The following GGPS1 variants were observed in gnomAD, a reference collection of about 807,000 sequenced individuals.
GGPS1 encodes geranylgeranyl diphosphate synthase 1.
Under a neutral mutation model 28.1 loss-of-function variants are expected in GGPS1, and 15 were observed. That is an observed-to-expected ratio of 0.53 (90% CI 0.36 to 0.82). GGPS1 has a LOEUF of 0.82. Among genes scored for constraint, GGPS1 ranks in the 40% least tolerant of loss-of-function variants. GGPS1 has a pLI of 0.01. For missense variants in GGPS1, 284 were observed against 348.3 expected (o/e 0.82, Z 1.47); for synonymous variants, 138 against 122.4 (o/e 1.13, Z -0.84).
At chr1:235,339,167 C>T (rs536234100) in intron 2 of GGPS1, among the ~76,000 whole-genome samples, 5 of 152,000 alleles carry the variant, frequency 3.3e-5, no homozygotes, top group Non-Finnish European at 4.4e-5. Flanking sequence ...GATTTAGTGG[C>T]GCACGACTGT....
Position 235,344,168 on chromosome 1 carries a change from AAAG to A in GGPS1, c.*1397_*1399del. The A allele has an allele frequency of 6.0e-6, 1 of 166,794 alleles. No individual in the cohort carries two copies. The highest frequency in any genetic ancestry group is 1.5e-5 in the Non-Finnish European group (1 of 68,080). The allele number at this position is 166,794 out of a possible 1,614,324, so 10.3% of individuals were successfully genotyped here. A position where few individuals can be genotyped will look rare whatever the true frequency, so the allele number is the denominator to read the frequency against. On this transcript the variant is annotated 3_prime_UTR_variant, in exon 4 of 4. Coordinates refer to ENST00000282841, the MANE Select transcript of GGPS1 (RefSeq NM_004837.4). ...AGGTAGGACAAAAAAAAAAAAAAAA[AAAG>A]CTGATTTCAATATTTGATTTGTTGA...
At chr1:235,337,742 A>T (rs563428831) in intron 2 of GGPS1, among the ~76,000 whole-genome samples, 30 of 152,052 alleles carry the variant, frequency 2.0e-4, no homozygotes, top group Non-Finnish European at 3.7e-4. Flanking sequence ...ACAGGAGCCT[A>T]GGAGGCAGAG....
chr1:235,335,087 T>A (rs1311340975), intron 1 of GGPS1, among the ~76,000 whole-genome samples, 155 bp from the exon 2 acceptor site: 1 of 152,220 alleles, frequency 6.6e-6, no homozygotes, highest in Non-Finnish European at 1.5e-5. Flanking sequence ...AGTGCTGGGA[T>A]TACAGGCGTG....
chr1:235,328,624 G>T lies in GGPS1; in HGVS notation c.-178G>T. 6.5e-6 allele frequency: 1 copy of T among 153,216 alleles called. No homozygotes were observed. The highest frequency in any genetic ancestry group is 1.5e-5 in the Non-Finnish European group (1 of 68,354). The allele number at this position is 153,216 out of a possible 1,614,324, so 9.5% of individuals were successfully genotyped here. On this transcript the variant is annotated 5_prime_UTR_variant, in exon 1 of 4. Coordinates refer to ENST00000282841, the MANE Select transcript of GGPS1 (RefSeq NM_004837.4). ...ACCAACTAATGCGGTGTCGCTGGCGGCTGAGGAGGGCGGAGAGTTCTGTGG... is the reference window on the plus strand; with the variant it reads ...ACCAACTAATGCGGTGTCGCTGGCGTCTGAGGAGGGCGGAGAGTTCTGTGG...
chr1:235,333,142 G>T (rs1675769139), intron 1 of GGPS1, among the ~76,000 whole-genome samples: 1 of 149,660 alleles, frequency 6.7e-6, no homozygotes, highest in Admixed American at 6.7e-5. Flanking sequence ...CACCCCCTTA[G>T]TTGTGATGTG....
upstream of GGPS1, chr1:235,327,805 G>A (rs1558320543): frequency 6.5e-6 from 1 of 152,738 alleles, no homozygotes; most frequent in Admixed American, 6.5e-5. Flanking sequence ...GGCACGTCCA[G>A]AGTCCCCTCT....
chr1:235,339,960 T>C (rs1268257802), intron 2 of GGPS1, among the ~76,000 whole-genome samples: 2 of 151,838 alleles, frequency 1.3e-5, no homozygotes, highest in Non-Finnish European at 2.9e-5. Context: ...AGTGGTAACT[T>C]CTATCCAAAG....
intron 1 of GGPS1, chr1:235,330,022 T>G (rs1262111030): frequency 6.6e-6 from 1 of 152,210 alleles, no homozygotes; most frequent in Non-Finnish European, 1.5e-5. Flanking sequence ...AGGAAACTAG[T>G]AGAGTTCATG....
At chr1:235,337,283 T>TA (rs779029219) in intron 2 of GGPS1, among the ~76,000 whole-genome samples, 2 of 152,236 alleles carry the variant, frequency 1.3e-5, no homozygotes, top group African/African-American at 2.4e-5. Flanking sequence ...TGCCTACAGT[T>TA]ACATTTTAAC....
At chr1:235,336,404 A>G (rs1284264060) in intron 2 of GGPS1, among the ~76,000 whole-genome samples, 1 of 152,146 alleles carries the variant, frequency 6.6e-6, no homozygotes, top group Non-Finnish European at 1.5e-5. Context: ...AAAAAGAAGA[A>G]CTTGTCTGGA....
chr1:235,342,926 C>G lies in GGPS1; in HGVS notation c.*154C>G. The stretch of plus-strand genomic sequence containing the variant: ...AAGTGAATTCGTTTTCATTTAGAAG[C>G]CCCTCTGTACAGATAATCAAAATTC... On this transcript the variant is annotated 3_prime_UTR_variant, in exon 4 of 4. Transcript: ENST00000282841. 1.9e-6 allele frequency: 1 copy of G among 524,382 alleles called. No homozygotes were observed. The highest frequency in any genetic ancestry group is 3.4e-6 in the Non-Finnish European group (1 of 291,918). The allele number at this position is 524,382 out of a possible 1,614,324, so 32.5% of individuals were successfully genotyped here.
Position 235,343,116 on chromosome 1 carries a change from C to G in GGPS1, c.*344C>G, listed in dbSNP as rs1237332943. The G allele has an allele frequency of 5.4e-6, 1 of 184,992 alleles. No homozygotes were observed. The highest frequency in any genetic ancestry group is 2.4e-5 in the African/African-American group (1 of 41,918). The allele number at this position is 184,992 out of a possible 1,614,324, so 11.5% of individuals were successfully genotyped here. ...CCAGGAATTTTTATCCATACACTTT[C>G]TAACTGTACTATCTGGGCAGTTCCA... On this transcript the variant is annotated 3_prime_UTR_variant, in exon 4 of 4. Coordinates refer to ENST00000282841, the MANE Select transcript of GGPS1 (RefSeq NM_004837.4).
chr1:235,334,095 A>G (rs1369790834), intron 1 of GGPS1, among the ~76,000 whole-genome samples: 1 of 152,212 alleles, frequency 6.6e-6, no homozygotes. Context: ...ATGTTTAATA[A>G]ATATATGCAT....
chr1:235,338,431 A>G (rs955095614), intron 2 of GGPS1, among the ~76,000 whole-genome samples: 1 of 152,064 alleles, frequency 6.6e-6, no homozygotes, highest in Non-Finnish European at 1.5e-5. Flanking sequence ...AAACACTAGC[A>G]TGTCATCAGA....
chr1:235,329,553 G>C (rs1002623320), intron 1 of GGPS1: 2 of 152,310 alleles, frequency 1.3e-5, no homozygotes, highest in African/African-American at 4.8e-5. Context: ...AGTTAACTAA[G>C]GAAAGAGAAA....
At chr1:235,329,698 G>A (rs1406873552) in intron 1 of GGPS1, 1 of 152,240 alleles carries the variant, frequency 6.6e-6, no homozygotes, top group Non-Finnish European at 1.5e-5. Flanking sequence ...CTTTGTAAAG[G>A]AGTTTTGGTT....
At chr1:235,341,276 G>A (rs1285211170) in intron 2 of GGPS1, among the ~76,000 whole-genome samples, 1 of 152,072 alleles carries the variant, frequency 6.6e-6, no homozygotes, top group Non-Finnish European at 1.5e-5. Flanking sequence ...GCAGTGAGCC[G>A]AGATCACGCC....
upstream of GGPS1, chr1:235,327,493 GACA>G: frequency 6.6e-6 from 1 of 152,256 alleles, no homozygotes; most frequent in Non-Finnish European, 1.5e-5. Context: ...CCGCCGCGGG[GACA>G]ACGTGAGGGC....
intron 1 of GGPS1, among the ~76,000 whole-genome samples, chr1:235,334,365 A>G (rs1183361899): frequency 6.6e-6 from 1 of 152,230 alleles, no homozygotes; most frequent in Non-Finnish European, 1.5e-5. Flanking sequence ...GAAAAGCTTA[A>G]TATAAGTTAT....
Sources: allele counts gnomAD v4.1 joint callset (sites outside exome capture counted in the v4.1 genomes callset), GRCh38; gene constraint gnomAD v4.1.1; transcripts MANE v1.5; gene names NCBI Gene and HGNC (gene_info 2026-07-23, HGNC 2026-07-21).